The following PALM2AKAP2 variants were observed in gnomAD, a reference collection of about 807,000 sequenced individuals.
The protein encoded by PALM2AKAP2 is PALM2-AKAP2 fusion protein.
PALM2AKAP2 carries 37 observed loss-of-function variants against 71.5 expected under a neutral mutation model. The ratio of observed to expected loss-of-function variants is 0.52; its 90% CI spans 0.40 to 0.68. PALM2AKAP2 has a LOEUF of 0.68. Ranked by LOEUF, PALM2AKAP2 falls within the 30% of genes least tolerant of loss-of-function variation. PALM2AKAP2 has a pLI of 0.00. For synonymous variants in PALM2AKAP2, 468 were observed against 478.8 expected (o/e 0.98, Z 0.29); for missense variants, 1,224 against 1,191.8 (o/e 1.03, Z -0.40).
chr9:109,885,361 C>G (rs1461731096), intron 3 of PALM2AKAP2, among the ~76,000 whole-genome samples: 1 of 152,158 alleles, frequency 6.6e-6, no homozygotes, highest in Non-Finnish European at 1.5e-5. Context: ...GCATTAGAAT[C>G]ACTTGGGAAG....
At chr9:109,733,232 A>G (rs1000143797) in intron 1 of PALM2AKAP2, among the ~76,000 whole-genome samples, 1 of 152,220 alleles carries the variant, frequency 6.6e-6, no homozygotes, top group Admixed American at 6.5e-5. Flanking sequence ...CCCTTACCTT[A>G]TCTTCCCACT....
chr9:109,920,795 C>CAAATAAAT (rs3063871), intron 3 of PALM2AKAP2, among the ~76,000 whole-genome samples: 5,441 of 150,708 alleles, frequency 0.036, 175 homozygotes, highest in South Asian at 0.14. Context: ...AATCACACCT[C>CAAATAAAT]AAATAAATAA....
intron 1 of PALM2AKAP2, among the ~76,000 whole-genome samples, chr9:109,688,818 C>T (rs889158080): frequency 1.6e-4 from 25 of 152,190 alleles, no homozygotes; most frequent in African/African-American, 5.1e-4. Context: ...TCCAATTCAT[C>T]AGCCTGCCAA....
chr9:109,719,298 G>A (rs991274966), intron 1 of PALM2AKAP2, among the ~76,000 whole-genome samples: 1 of 152,164 alleles, frequency 6.6e-6, no homozygotes, highest in Non-Finnish European at 1.5e-5. Context: ...GGTTAGGAAG[G>A]TACAATACAT....
chr9:109,744,792 G>A (rs1245651210), intron 1 of PALM2AKAP2, among the ~76,000 whole-genome samples: 3 of 152,154 alleles, frequency 2.0e-5, no homozygotes, highest in African/African-American at 7.2e-5. Context: ...TTGACTTCAT[G>A]TGGAGCAGAA....
chr9:110,115,784 C>T (rs1203915573), intron 1 of PALM2AKAP2, among the ~76,000 whole-genome samples: 4 of 152,088 alleles, frequency 2.6e-5, no homozygotes, highest in African/African-American at 4.8e-5. Context: ...ATCTCTAAAC[C>T]TTTTAGAACC....
chr9:109,932,951 T>C (rs1831140647), intron 6 of PALM2AKAP2, among the ~76,000 whole-genome samples: 1 of 152,244 alleles, frequency 6.6e-6, no homozygotes, highest in Non-Finnish European at 1.5e-5. Flanking sequence ...TAGGCCAACC[T>C]GAATATTTCA....
chr9:110,152,519 A>G (rs1439135521), intron 2 of PALM2AKAP2, among the ~76,000 whole-genome samples: 2 of 152,186 alleles, frequency 1.3e-5, no homozygotes, highest in Admixed American at 1.3e-4. Flanking sequence ...CTCTTGGCCA[A>G]GGGACTTCAA....
At chr9:109,900,774 A>ACAAATAT (rs1830309944) in intron 3 of PALM2AKAP2, among the ~76,000 whole-genome samples, 1 of 152,150 alleles carries the variant, frequency 6.6e-6, no homozygotes, top group Admixed American at 6.5e-5. Context: ...ATTGTACTTG[A>ACAAATAT]GTCCCATCAT....
intron 6 of PALM2AKAP2, among the ~76,000 whole-genome samples, chr9:110,011,055 A>T (rs1257749547): frequency 7.0e-6 from 1 of 142,938 alleles, no homozygotes; most frequent in Non-Finnish European, 1.5e-5. Context: ...ATATAAGTAT[A>T]CAAAAGTATA....
chr9:110,162,702 C>G (rs1387723306), intron 3 of PALM2AKAP2, among the ~76,000 whole-genome samples: 1 of 152,034 alleles, frequency 6.6e-6, no homozygotes, highest in Non-Finnish European at 1.5e-5. Context: ...TTGATTTCTC[C>G]AAAAGCCTCC....
chr9:109,798,340 C>T (rs1317919123), intron 1 of PALM2AKAP2, among the ~76,000 whole-genome samples: 2 of 152,174 alleles, frequency 1.3e-5, no homozygotes, highest in Non-Finnish European at 2.9e-5. Context: ...CAGATGATAC[C>T]TGCATCTCGC....
chr9:109,953,516 G>C (rs543741483), intron 6 of PALM2AKAP2, among the ~76,000 whole-genome samples: 3 of 152,266 alleles, frequency 2.0e-5, no homozygotes, highest in Non-Finnish European at 4.4e-5. Context: ...CCCACACAGA[G>C]AGCTATGTTA....
chr9:109,684,944 G>C (rs977019311), intron 1 of PALM2AKAP2, among the ~76,000 whole-genome samples: 1 of 152,022 alleles, frequency 6.6e-6, no homozygotes, highest in Non-Finnish European at 1.5e-5. Context: ...TGGCACATCC[G>C]TACAATAAAA....
chr9:109,781,658 A>G (rs1392285231), intron 1 of PALM2AKAP2, among the ~76,000 whole-genome samples: 3 of 152,116 alleles, frequency 2.0e-5, no homozygotes, highest in Admixed American at 6.5e-5. Context: ...AGGCTCTGAG[A>G]CCCTCTTTCT....
At chr9:109,995,342 G>C (rs7357730) in intron 6 of PALM2AKAP2, among the ~76,000 whole-genome samples, 43,675 of 152,150 alleles carry the variant, frequency 0.29, 7,883 homozygotes, top group Non-Finnish European at 0.41. Flanking sequence ...CTGATGGCAG[G>C]GGGTGGGTCT....
intron 7 of PALM2AKAP2, among the ~76,000 whole-genome samples, chr9:110,020,683 C>T (rs930390370): frequency 6.6e-6 from 1 of 151,250 alleles, no homozygotes; most frequent in Non-Finnish European, 1.5e-5. Flanking sequence ...GACTCCATCT[C>T]AAAACAAAAA....
At chr9:110,054,344 G>C (rs1043417384) in intron 1 of PALM2AKAP2, among the ~76,000 whole-genome samples, 7 of 152,000 alleles carry the variant, frequency 4.6e-5, no homozygotes, top group African/African-American at 1.2e-4. Flanking sequence ...GGTTGCGGTG[G>C]GCCGACATGG....
At chr9:109,682,004 T>C (rs2118520227) in intron 1 of PALM2AKAP2, among the ~76,000 whole-genome samples, 1 of 152,344 alleles carries the variant, frequency 6.6e-6, no homozygotes, top group Admixed American at 6.5e-5. Context: ...TGCTTTGCTG[T>C]TGGATTCAGT....
Sources: gnomAD v4.1 joint callset for allele counts (sites outside exome capture counted in the v4.1 genomes callset) on GRCh38, gnomAD v4.1.1 for gene constraint, MANE v1.5 for transcripts, NCBI Gene and HGNC (gene_info 2026-07-23, HGNC 2026-07-21) for gene names.